DPYD: variants seen among roughly 807,000 people sequenced by gnomAD.
DPYD encodes dihydropyrimidine dehydrogenase [NADP(+)].
Under a neutral mutation model 116.2 loss-of-function variants are expected in DPYD, and 109 were observed. The ratio of observed to expected loss-of-function variants is 0.94; its 90% confidence interval spans 0.80 to 1.10. DPYD has a LOEUF of 1.10. Ranked by LOEUF, DPYD falls within the 50% of genes least tolerant of loss-of-function variation. The pLI, the probability that DPYD is intolerant of heterozygous loss-of-function variation, is 0.00. For missense variants in DPYD, 1,302 were observed against 1,254.5 expected (o/e 1.04, Z -0.57); for synonymous variants, 440 against 432.0 (o/e 1.02, Z -0.23).
At chr1:97,473,780 G>A (rs916774233) in intron 13 of DPYD, among the ~76,000 whole-genome samples, 10 of 152,118 alleles carry the variant, frequency 6.6e-5, no homozygotes, top group African/African-American at 2.2e-4. Context: ...GCCAGGGTGG[G>A]CGGATTGCTT....
chr1:97,390,361 G>C (rs1672626927), intron 14 of DPYD, among the ~76,000 whole-genome samples: 1 of 151,910 alleles, frequency 6.6e-6, no homozygotes, highest in South Asian at 2.1e-4. Flanking sequence ...CATTGATGAG[G>C]AAAAACAGCA....
At chr1:97,225,125 G>T (rs994247392) in intron 19 of DPYD, among the ~76,000 whole-genome samples, 1 of 151,868 alleles carries the variant, frequency 6.6e-6, no homozygotes, top group Non-Finnish European at 1.5e-5. Flanking sequence ...AAGAAGGATC[G>T]CTAGGTCACA....
intron 2 of DPYD, among the ~76,000 whole-genome samples, chr1:97,833,468 T>C (rs1346504678): frequency 1.3e-5 from 2 of 152,078 alleles, no homozygotes; most frequent in Non-Finnish European, 2.9e-5. Context: ...TTTGAAATGA[T>C]TTACAATTTT....
intron 11 of DPYD, among the ~76,000 whole-genome samples, chr1:97,573,554 C>A (rs1160044825): frequency 6.6e-6 from 1 of 152,062 alleles, no homozygotes; most frequent in Non-Finnish European, 1.5e-5. Context: ...GATTAATGTT[C>A]TTTTCAATAC....
intron 4 of DPYD, among the ~76,000 whole-genome samples, chr1:97,730,146 T>G (rs1663506027): frequency 6.6e-6 from 1 of 152,178 alleles, no homozygotes; most frequent in South Asian, 2.1e-4. Flanking sequence ...TCAGAGATCA[T>G]GTCTAATCAA....
chr1:97,644,573 C>T (rs534529603), intron 8 of DPYD, among the ~76,000 whole-genome samples: 5 of 151,866 alleles, frequency 3.3e-5, no homozygotes, highest in Non-Finnish European at 7.4e-5. Flanking sequence ...GGACTCCAGG[C>T]GAGCACCACC....
intron 20 of DPYD, among the ~76,000 whole-genome samples, chr1:97,157,780 C>A (rs184229449): frequency 4.6e-5 from 7 of 152,194 alleles, no homozygotes; most frequent in Admixed American, 2.0e-4. Flanking sequence ...ATTCCCATAC[C>A]TGTAATATGT....
intron 20 of DPYD, among the ~76,000 whole-genome samples, chr1:97,187,878 C>T (rs1658105126): frequency 6.6e-6 from 1 of 152,072 alleles, no homozygotes; most frequent in Non-Finnish European, 1.5e-5. Flanking sequence ...GGTCAGTTGA[C>T]TGTAGATATG....
chr1:97,311,323 G>C (rs977347329), intron 16 of DPYD, among the ~76,000 whole-genome samples: 2 of 151,530 alleles, frequency 1.3e-5, no homozygotes, highest in Non-Finnish European at 3.0e-5. Flanking sequence ...GAGAAAAATG[G>C]GCAAAACTTT....
At chr1:97,277,922 C>T (rs568950216) in intron 18 of DPYD, among the ~76,000 whole-genome samples, 34 of 152,310 alleles carry the variant, frequency 2.2e-4, no homozygotes, top group African/African-American at 7.9e-4. Context: ...ATTCACTCTC[C>T]TATTCAACTT....
intron 18 of DPYD, among the ~76,000 whole-genome samples, chr1:97,236,223 G>C (rs1661917344): frequency 6.6e-6 from 1 of 152,010 alleles, no homozygotes; most frequent in African/African-American, 2.4e-5. Context: ...TTAAACCAGG[G>C]CTTCACAAAC....
At chr1:97,178,612 G>A (rs1657450691) in intron 20 of DPYD, among the ~76,000 whole-genome samples, 1 of 152,052 alleles carries the variant, frequency 6.6e-6, no homozygotes, top group Admixed American at 6.6e-5. Context: ...GGATTTTGGG[G>A]ATTACAATTC....
At chr1:97,546,539 T>C in intron 12 of DPYD, 1 of 1,596,824 alleles carries the variant, frequency 6.3e-7, no homozygotes, top group South Asian at 1.1e-5. Flanking sequence ...CTACAAAGCA[T>C]ACAGCAAGAA....
At chr1:97,652,135 T>C (rs1658619855) in intron 8 of DPYD, among the ~76,000 whole-genome samples, 1 of 152,126 alleles carries the variant, frequency 6.6e-6, no homozygotes, top group Non-Finnish European at 1.5e-5. Context: ...AATAGTCATA[T>C]AACCTAAAAA....
At chr1:97,536,534 G>A (rs1279893885) in intron 12 of DPYD, among the ~76,000 whole-genome samples, 1 of 152,220 alleles carries the variant, frequency 6.6e-6, no homozygotes, top group Non-Finnish European at 1.5e-5. Flanking sequence ...ATCTGAAGCA[G>A]TAGAGGATTC....
intron 8 of DPYD, among the ~76,000 whole-genome samples, chr1:97,652,139 C>A (rs773309728): frequency 5.3e-5 from 8 of 151,810 alleles, no homozygotes; most frequent in Admixed American, 5.3e-4. Context: ...GTCATATAAC[C>A]TAAAAAAAGG....
intron 16 of DPYD, among the ~76,000 whole-genome samples, chr1:97,347,583 A>G (rs1039910762): frequency 1.3e-5 from 2 of 152,004 alleles, no homozygotes; most frequent in Non-Finnish European, 2.9e-5. Flanking sequence ...AGTGAGACTG[A>G]CCTATAATTT....
intron 1 of DPYD, among the ~76,000 whole-genome samples, chr1:97,890,775 A>C (rs577928006): frequency 5.0e-4 from 76 of 152,064 alleles, no homozygotes; most frequent in African/African-American, 1.8e-3. Context: ...GGCTGCATTT[A>C]TTTTAGTTTT....
At chr1:97,249,792 G>T (rs1483774365) in intron 18 of DPYD, among the ~76,000 whole-genome samples, 3 of 152,020 alleles carry the variant, frequency 2.0e-5, no homozygotes, top group Admixed American at 1.3e-4. Context: ...TTTTTAAAAA[G>T]ACATACAAAT....
Sources: allele counts gnomAD v4.1 joint callset (sites outside exome capture counted in the v4.1 genomes callset), GRCh38; gene constraint gnomAD v4.1.1; transcripts MANE v1.5; gene names NCBI Gene and HGNC (gene_info 2026-07-23, HGNC 2026-07-21).